The following PCNX2 variants were observed in gnomAD, a reference collection of about 807,000 sequenced individuals.
The protein encoded by PCNX2 is pecanex-like protein 2.
Under a neutral mutation model 223.8 loss-of-function variants are expected in PCNX2, and 168 were observed. The ratio of observed to expected loss-of-function variants is 0.75; its 90% confidence interval spans 0.66 to 0.85. PCNX2 has a LOEUF of 0.85. PCNX2 is among the 40% of genes least tolerant of loss of function. The pLI, the probability that PCNX2 is intolerant of heterozygous loss-of-function variation, is 0.00. For missense variants in PCNX2, 2,507 were observed against 2,675.5 expected (o/e 0.94, Z 1.39); for synonymous variants, 1,006 against 1,052.6 (o/e 0.96, Z 0.86).
intron 1 of PCNX2, among the ~76,000 whole-genome samples, chr1:233,274,105 C>T (rs1468464086): frequency 1.3e-5 from 2 of 152,158 alleles, no homozygotes; most frequent in Non-Finnish European, 2.9e-5. Context: ...TTGTTGCTCC[C>T]AATTTAGAAC....
chr1:233,275,103 T>C (rs12129450), intron 1 of PCNX2, among the ~76,000 whole-genome samples: 15,071 of 152,248 alleles, frequency 0.099, 898 homozygotes, highest in South Asian at 0.19. Context: ...TAAATGCAGA[T>C]AGAAACTATT....
intron 21 of PCNX2, among the ~76,000 whole-genome samples, chr1:233,107,391 AAAAC>A (rs147842035): frequency 0.18 from 26,845 of 151,714 alleles, 2,476 homozygotes; most frequent in East Asian, 0.25. Flanking sequence ...CTGACTCGAA[AAAAC>A]AAACAAACAA....
At chr1:233,238,756 A>G (rs2102966892) in intron 8 of PCNX2, among the ~76,000 whole-genome samples, 1 of 151,916 alleles carries the variant, frequency 6.6e-6, no homozygotes, top group African/African-American at 2.4e-5. Context: ...CAATACATTC[A>G]ATAAAGTCTT....
chr1:233,048,709 C>A (rs1054374626), intron 25 of PCNX2, among the ~76,000 whole-genome samples: 1 of 152,010 alleles, frequency 6.6e-6, no homozygotes, highest in Non-Finnish European at 1.5e-5. Context: ...AAAGAGTCAA[C>A]AAAACCAAAA....
intron 17 of PCNX2, among the ~76,000 whole-genome samples, chr1:233,170,938 G>A (rs1182656917): frequency 6.6e-6 from 1 of 152,174 alleles, no homozygotes; most frequent in Non-Finnish European, 1.5e-5. Context: ...GCCCTCATCC[G>A]AAAATCCGAA....
intron 8 of PCNX2, among the ~76,000 whole-genome samples, chr1:233,250,176 G>A (rs749090935): frequency 8.5e-5 from 13 of 152,178 alleles, no homozygotes; most frequent in Non-Finnish European, 1.8e-4. Context: ...GATGAATTCC[G>A]TCTGCCACTG....
At chr1:233,150,763 G>A (rs1360084222) in intron 19 of PCNX2, among the ~76,000 whole-genome samples, 2 of 150,284 alleles carry the variant, frequency 1.3e-5, no homozygotes, top group African/African-American at 4.9e-5. Context: ...TTTTTCATTA[G>A]TTCAGTGGGA....
At chr1:233,073,406 T>C (rs1002202952) in intron 23 of PCNX2, among the ~76,000 whole-genome samples, 2 of 152,166 alleles carry the variant, frequency 1.3e-5, no homozygotes, top group Non-Finnish European at 2.9e-5. Flanking sequence ...TTCTGTCTGC[T>C]TGCTTTGGAT....
In PCNX2 at chr1:233,258,483, G is replaced by A. The variant is rs369673584; in HGVS notation, c.1379C>T (p.Thr460Met). The A allele has an allele frequency of 3.2e-5, 51 of 1,613,924 alleles. No homozygotes were observed. Among genetic ancestry groups the A allele is most frequent in the East Asian group, 1.8e-4 (8 of 44,858 alleles). Residue 460 changes from threonine (T) to methionine (M), a missense_variant, in exon 5 of 34, where the codon ACG becomes ATG. Physicochemically the swap from Thr to Met is moderately conservative, Grantham distance 81. Coordinates refer to ENST00000258229, the MANE Select transcript of PCNX2 (RefSeq NM_014801.4). Reference protein sequence around the residue: ...GSERTPERLKTRVSTNQCSGY... With the variant: ...GSERTPERLKMRVSTNQCSGY... ...AGAACACTGATTGGTGGATACCCTC[G>A]TCTTCAGTCTCTCTGGAGTCCTTTC...
chr1:233,125,434 C>T (rs566606531), intron 21 of PCNX2, among the ~76,000 whole-genome samples: 1 of 152,180 alleles, frequency 6.6e-6, no homozygotes, highest in African/African-American at 2.4e-5. Flanking sequence ...CCAATCCCGG[C>T]GGTCTATGCT....
intron 17 of PCNX2, among the ~76,000 whole-genome samples, chr1:233,171,530 A>G (rs932210713): frequency 2.0e-5 from 3 of 152,186 alleles, no homozygotes; most frequent in Admixed American, 6.5e-5. Flanking sequence ...GGCTTCCATG[A>G]GGGCTCTTGA....
At chr1:233,225,092 T>G (rs1657618435) in intron 10 of PCNX2, among the ~76,000 whole-genome samples, 1 of 121,074 alleles carries the variant, frequency 8.3e-6, no homozygotes. Context: ...GTTCTGCACA[T>G]GTATCCCAGA....
intron 25 of PCNX2, 75 bp from the exon 26 acceptor site, chr1:233,025,474 G>C: frequency 6.4e-7 from 1 of 1,554,040 alleles, no homozygotes; most frequent in East Asian, 2.3e-5. Context: ...ATTTCCCCAT[G>C]CCTTCATCAG....
intron 15 of PCNX2, among the ~76,000 whole-genome samples, chr1:233,191,258 C>G (rs1213758094): frequency 6.6e-6 from 1 of 152,192 alleles, no homozygotes; most frequent in African/African-American, 2.4e-5. Flanking sequence ...CATATCTTTA[C>G]AGTACCCAGC....
At chr1:233,177,738 G>A (rs941114599) in intron 17 of PCNX2, 64 bp downstream of exon 17, 44 of 1,394,842 alleles carry the variant, frequency 3.2e-5, no homozygotes, top group Non-Finnish European at 4.2e-5. Context: ...GCTCCATTGA[G>A]AGCCTGATCT....
chr1:233,315,332 G>A, the PCNX2 span, among the ~76,000 whole-genome samples: 8 of 152,120 alleles, frequency 5.3e-5, no homozygotes, highest in South Asian at 1.2e-3. Flanking sequence ...ATTAACATAC[G>A]CTTCATGCAT....
At chr1:233,118,409 A>T (rs1675550531) in intron 21 of PCNX2, among the ~76,000 whole-genome samples, 1 of 151,458 alleles carries the variant, frequency 6.6e-6, no homozygotes, top group Non-Finnish European at 1.5e-5. Context: ...AGTAAAATGT[A>T]AGCAGATCAG....
At chr1:233,211,472 C>T (rs1681812753) in intron 12 of PCNX2, among the ~76,000 whole-genome samples, 1 of 152,100 alleles carries the variant, frequency 6.6e-6, no homozygotes, top group South Asian at 2.1e-4. Context: ...ACAGCCACAA[C>T]AGCTAATGTT....
intron 17 of PCNX2, among the ~76,000 whole-genome samples, chr1:233,177,152 T>A (rs1419633699): frequency 6.6e-6 from 1 of 152,244 alleles, no homozygotes; most frequent in Non-Finnish European, 1.5e-5. Context: ...GTGCTAACAT[T>A]CTTAAATATC....
Sources: allele counts gnomAD v4.1 joint callset (sites outside exome capture counted in the v4.1 genomes callset), GRCh38; gene constraint gnomAD v4.1.1; transcripts MANE v1.5; gene names NCBI Gene and HGNC (gene_info 2026-07-23, HGNC 2026-07-21).